Variants in XRCC6 observed in about 807,000 individuals in gnomAD.
The protein encoded by XRCC6 is X-ray repair cross complementing 6, also known as DNA repair protein Ku70.
XRCC6 carries 5 observed loss-of-function variants against 65.7 expected under a neutral mutation model. That is an observed-to-expected ratio of 0.08 (90% CI 0.04 to 0.16). The LOEUF (loss-of-function observed/expected upper bound fraction) is 0.16, where lower values mean the gene tolerates loss of function less well. XRCC6 is among the 10% of genes least tolerant of loss of function. The pLI, the probability that XRCC6 is intolerant of heterozygous loss-of-function variation, is 1.00. For missense variants in XRCC6, 447 were observed against 738.1 expected (o/e 0.61, Z 4.57); for synonymous variants, 270 against 270.6 (o/e 1.00, Z 0.02).
intron 3 of XRCC6, among the ~76,000 whole-genome samples, chr22:41,633,360 A>C (rs2067776023): frequency 6.6e-6 from 1 of 152,046 alleles, no homozygotes; most frequent in African/African-American, 2.4e-5. Flanking sequence ...CATTACTTTG[A>C]AGAGCAGTGC....
chr22:41,621,920 C>G, intron 1 of XRCC6, 70 bp from the exon 2 acceptor site: 1 of 1,459,222 alleles, frequency 6.9e-7, no homozygotes, highest in South Asian at 1.1e-5. Flanking sequence ...ACAGATCTCA[C>G]AAGAACCTAG....
chr22:41,640,164 T>C (rs1344119395), intron 6 of XRCC6, among the ~76,000 whole-genome samples: 3 of 151,694 alleles, frequency 2.0e-5, no homozygotes, highest in African/African-American at 7.3e-5. Flanking sequence ...GTAGCTTTTT[T>C]TTGAGACAGA....
chr22:41,624,461 T>A (rs1361424712), intron 2 of XRCC6, among the ~76,000 whole-genome samples: 1 of 150,796 alleles, frequency 6.6e-6, no homozygotes, highest in Non-Finnish European at 1.5e-5. Context: ...CCGAGGCAGG[T>A]GGATCACAAG....
At chr22:41,623,815 A>C (rs1019157029) in intron 2 of XRCC6, among the ~76,000 whole-genome samples, 1 of 151,918 alleles carries the variant, frequency 6.6e-6, no homozygotes, top group African/African-American at 2.4e-5. Context: ...CCGCCACCCC[A>C]GTTCAGGCTA....
At chr22:41,657,167 T>C in intron 10 of XRCC6, 135 bp downstream of exon 10, 2 of 1,166,080 alleles carry the variant, frequency 1.7e-6, no homozygotes, top group South Asian at 1.9e-5. Context: ...TTAATAGTTT[T>C]TTGAAAGCCA....
At chr22:41,656,755 C>A in intron 9 of XRCC6, 148 bp from the exon 10 acceptor site, 1 of 1,000,824 alleles carries the variant, frequency 1.0e-6, no homozygotes, top group Non-Finnish European at 1.4e-6. Context: ...CAGATGATAA[C>A]AAAAACCAGC....
At chr22:41,640,080 A>G (rs1048194375) in intron 6 of XRCC6, among the ~76,000 whole-genome samples, 3 of 151,996 alleles carry the variant, frequency 2.0e-5, no homozygotes, top group Admixed American at 2.0e-4. Context: ...CCCAGGCTGG[A>G]GTACAATGGC....
intron 9 of XRCC6, 107 bp from the exon 10 acceptor site, chr22:41,656,796 G>GC: frequency 1.3e-6 from 2 of 1,519,722 alleles, no homozygotes; most frequent in Non-Finnish European, 1.8e-6. Context: ...GGCCTACGGG[G>GC]CCCCAGCCCC....
chr22:41,650,190 G>A (rs1233236800), intron 7 of XRCC6, among the ~76,000 whole-genome samples: 4 of 151,288 alleles, frequency 2.6e-5, no homozygotes, highest in Admixed American at 1.3e-4. Flanking sequence ...CTGCATCCTC[G>A]AACTCCTGGG....
At chr22:41,651,087 C>T (rs948866630) in intron 8 of XRCC6, among the ~76,000 whole-genome samples, 196 bp downstream of exon 8, 5 of 152,174 alleles carry the variant, frequency 3.3e-5, no homozygotes, top group African/African-American at 1.2e-4. Flanking sequence ...GGATGGGTCA[C>T]CTGAGGTCAG....
At chr22:41,654,736 G>A (rs2068029595) in intron 9 of XRCC6, among the ~76,000 whole-genome samples, 4 of 152,314 alleles carry the variant, frequency 2.6e-5, no homozygotes, top group Admixed American at 2.6e-4. Context: ...CCCCCATGGA[G>A]CTGGGACTTA....
In XRCC6 at chr22:41,663,921, G is replaced by A; in HGVS notation, c.*106G>A. On this transcript the variant is annotated 3_prime_UTR_variant, in exon 13 of 13. Transcript: ENST00000360079. ...CTCCTGAGCTAGGAAGAGTCTACCC[G>A]ACATAAGTCGAGGGACTTTATGTTT... 4.1e-6 allele frequency: 5 copies of A among 1,230,064 alleles called. No individual in the cohort carries two copies. The highest frequency in any genetic ancestry group is 1.5e-5 in the South Asian group (1 of 66,392). The allele number at this position is 1,230,064 out of a possible 1,614,324, so 76.2% of individuals were successfully genotyped here.
At chr22:41,628,767 A>G (rs1249579120) in intron 3 of XRCC6, among the ~76,000 whole-genome samples, 1 of 152,024 alleles carries the variant, frequency 6.6e-6, no homozygotes, top group East Asian at 1.9e-4. Flanking sequence ...TCAGGAGACC[A>G]GCTTGGCCAA....
At chr22:41,647,110 TG>T (rs1328780659) in intron 7 of XRCC6, 28 bp downstream of exon 7, 1 of 1,610,152 alleles carries the variant, frequency 6.2e-7, no homozygotes, top group Admixed American at 1.7e-5. Context: ...TTGTTGTTGT[TG>T]TTTTTGAGAC....
chr22:41,631,779 C>CT (rs1209750058), intron 3 of XRCC6, among the ~76,000 whole-genome samples: 2 of 152,088 alleles, frequency 1.3e-5, no homozygotes, highest in African/African-American at 4.8e-5. Flanking sequence ...AGGCAGGCGG[C>CT]TGGGAGGTGG....
At chr22:41,625,223 G>C (rs1450589867) in intron 2 of XRCC6, among the ~76,000 whole-genome samples, 3 of 151,790 alleles carry the variant, frequency 2.0e-5, no homozygotes, top group Non-Finnish European at 4.4e-5. Context: ...AGAATCGCTT[G>C]AACACGGGAG....
intron 10 of XRCC6, 116 bp from the exon 11 acceptor site, chr22:41,658,136 C>A: frequency 1.0e-6 from 1 of 969,936 alleles, no homozygotes; most frequent in Non-Finnish European, 1.6e-6. Flanking sequence ...AACTGTTTTA[C>A]TTGGGGTGTT....
intron 9 of XRCC6, among the ~76,000 whole-genome samples, chr22:41,654,602 TA>T (rs1328311400): frequency 1.3e-5 from 2 of 152,240 alleles, no homozygotes; most frequent in African/African-American, 4.8e-5. Flanking sequence ...GTAGATTTTT[TA>T]GTCCTTCCAG....
chr22:41,658,111 A>G, intron 10 of XRCC6, 141 bp from the exon 11 acceptor site: 1 of 724,982 alleles, frequency 1.4e-6, no homozygotes, highest in Non-Finnish European at 2.3e-6. Flanking sequence ...GGCATGGGCT[A>G]CTGCACCTGA....
Sources: gnomAD v4.1 joint callset for allele counts (sites outside exome capture counted in the v4.1 genomes callset) on GRCh38, gnomAD v4.1.1 for gene constraint, MANE v1.5 for transcripts, NCBI Gene and HGNC (gene_info 2026-07-23, HGNC 2026-07-21) for gene names.